The following C19orf12 variants were observed in gnomAD, a reference collection of about 807,000 sequenced individuals.
C19orf12 encodes protein C19orf12.
In C19orf12, 2 loss-of-function variants were observed where a neutral mutation model predicts 3.8. The ratio of observed to expected loss-of-function variants is 0.53; its 90% CI spans 0.22 to 1.66. C19orf12 has a LOEUF of 1.66. Ranked by LOEUF, C19orf12 falls within the 40% of genes most tolerant of loss-of-function variation. The pLI is 0.20. For missense variants in C19orf12, 156 were observed against 188.8 expected (o/e 0.83, Z 1.02); for synonymous variants, 89 against 84.6 (o/e 1.05, Z -0.28).
rs1599558605 is a variant in C19orf12, at chr19:29,715,112, G to A, written c.-11+13C>T. On this transcript the variant is annotated intron_variant, in intron 1 of 2. Coordinates refer to ENST00000323670, the MANE Select transcript of C19orf12 (RefSeq NM_031448.6). Reference sequence around the variant, plus strand: ...TGGGAGGCGCCCCGCCCCGGCTCCGGGCGCTCCTTTACCTGGGGGAGCGGA... The same window carrying A: ...TGGGAGGCGCCCCGCCCCGGCTCCGAGCGCTCCTTTACCTGGGGGAGCGGA... 5 of 608,594 alleles carry A rather than the reference G, an allele frequency of 8.2e-6. No homozygotes were observed. The highest frequency in any genetic ancestry group is 1.4e-5 in the Non-Finnish European group (5 of 345,528). 37.7% of individuals were successfully genotyped at this position (608,594 alleles called of 1,614,324 possible). A position where few individuals can be genotyped will look rare whatever the true frequency, so the allele number is the denominator to read the frequency against.
chr19:29,715,576 C>G, upstream of C19orf12: 1 of 210,776 alleles, frequency 4.7e-6, no homozygotes, highest in South Asian at 4.3e-5. Flanking sequence ...CCTCCAGGAC[C>G]GCGGGGACCT....
chr19:29,701,476 A>T lies in C19orf12; in HGVS notation c.*1236T>A. 2.2e-6 allele frequency: 1 copy of T among 454,190 alleles called. No homozygotes were observed. Among genetic ancestry groups the T allele is most frequent in the South Asian group, 1.6e-5 (1 of 64,482 alleles). 28.1% of individuals were successfully genotyped at this position (454,190 alleles called of 1,614,324 possible). Reference sequence around the variant, plus strand: ...TTTAGGGAATAATGGCAAGAAAAAAAGGTCTGTACGTGTTCAGTACCAATG... The same window carrying T: ...TTTAGGGAATAATGGCAAGAAAAAATGGTCTGTACGTGTTCAGTACCAATG... On this transcript the variant is annotated 3_prime_UTR_variant, in exon 3 of 3. Transcript: ENST00000323670.
chr19:29,713,634 A>C (rs1972798900), intron 1 of C19orf12, among the ~76,000 whole-genome samples: 1 of 152,188 alleles, frequency 6.6e-6, no homozygotes, highest in Non-Finnish European at 1.5e-5. Flanking sequence ...CCACCAGCAA[A>C]CAGTTTTGGA....
At chr19:29,705,492 T>C (rs1208773374) in intron 2 of C19orf12, 1 of 258,156 alleles carries the variant, frequency 3.9e-6, no homozygotes. Flanking sequence ...AATGTATTCG[T>C]TGGTGTTGGT....
chr19:29,712,931 C>T (rs576182459), intron 1 of C19orf12, among the ~76,000 whole-genome samples: 1 of 152,288 alleles, frequency 6.6e-6, no homozygotes, highest in Middle Eastern at 3.4e-3. Context: ...TGAGGGCAGG[C>T]AGAGGAAGTC....
intron 2 of C19orf12, chr19:29,705,450 A>AC (rs1458951312): frequency 3.2e-6 from 1 of 313,028 alleles, no homozygotes; most frequent in African/African-American, 2.2e-5. Context: ...AACTGGTGAA[A>AC]CCCAAATCAA....
chr19:29,701,880 G>A lies in C19orf12; in HGVS notation c.*832C>T, dbSNP rs537825941. The A allele has an allele frequency of 4.4e-6, 2 of 454,146 alleles. No homozygotes were observed. The highest frequency in any genetic ancestry group is 4.0e-5 in the African/African-American group (2 of 50,142). 28.1% of individuals were successfully genotyped at this position (454,146 alleles called of 1,614,324 possible). The stretch of plus-strand genomic sequence containing the variant: ...CACATTTAGTGGACTGCAATATGCA[G>A]TAAACATGACTTAGATGCACTGGGA... On this transcript the variant is annotated 3_prime_UTR_variant, in exon 3 of 3. Transcript: ENST00000323670.
chr19:29,715,066 C>G, intron 1 of C19orf12, 59 bp downstream of exon 1: 1 of 645,506 alleles, frequency 1.5e-6, no homozygotes, highest in Admixed American at 2.5e-5. Flanking sequence ...GGGGTGCCCC[C>G]TCCTCTCGCG....
chr19:29,715,484 A>C, upstream of C19orf12: 1 of 365,712 alleles, frequency 2.7e-6, no homozygotes, highest in Non-Finnish European at 5.6e-6. Flanking sequence ...AGTCCTGGGA[A>C]CCGCAAGGCC....
Position 29,702,484 on chromosome 19 carries a change from T to C in C19orf12, c.*228A>G. 8.3e-6 allele frequency: 6 copies of C among 718,604 alleles called. No homozygotes were observed. The highest frequency in any genetic ancestry group is 6.0e-5 in the South Asian group (4 of 67,138). 44.5% of individuals were successfully genotyped at this position (718,604 alleles called of 1,614,324 possible). Reference sequence around the variant, plus strand: ...TTCACTGGGGGGCCAGTCAGAGGGCTGTCATGGCAGGCCAGTGCACATGCC... The same window carrying C: ...TTCACTGGGGGGCCAGTCAGAGGGCCGTCATGGCAGGCCAGTGCACATGCC... On this transcript the variant is annotated 3_prime_UTR_variant, in exon 3 of 3. Coordinates refer to ENST00000323670, the MANE Select transcript of C19orf12 (RefSeq NM_031448.6).
rs1010170543 is a variant in C19orf12, at chr19:29,700,763, A to G, written c.*1949T>C. On this transcript the variant is annotated 3_prime_UTR_variant, in exon 3 of 3. Transcript: ENST00000323670. ...AAGGCTCGGCCCTTCCTTAATCACC[A>G]TGGGTTATAATTCACCCTGACGTCC... is the stretch of plus-strand genomic sequence containing the variant. The G allele has an allele frequency of 2.0e-5, 9 of 453,982 alleles. No individual in the cohort carries two copies. Among genetic ancestry groups the G allele is most frequent in the African/African-American group, 1.2e-4 (6 of 50,002 alleles). The allele number at this position is 453,982 out of a possible 1,614,324, so 28.1% of individuals were successfully genotyped here.
At chr19:29,709,791 A>G (rs977418287) in intron 1 of C19orf12, among the ~76,000 whole-genome samples, 1 of 151,786 alleles carries the variant, frequency 6.6e-6, no homozygotes, top group Non-Finnish European at 1.5e-5. Context: ...TAGCCTCTCA[A>G]AGTGTTAGGA....
chr19:29,713,590 C>T (rs1453186069), intron 1 of C19orf12, among the ~76,000 whole-genome samples: 1 of 152,194 alleles, frequency 6.6e-6, no homozygotes, highest in Admixed American at 6.5e-5. Flanking sequence ...CCTCCCACCT[C>T]TCCATACCCC....
At chr19:29,705,806 C>T (rs572250276) in intron 2 of C19orf12, among the ~76,000 whole-genome samples, 2 of 152,258 alleles carry the variant, frequency 1.3e-5, no homozygotes, top group African/African-American at 2.4e-5. Flanking sequence ...AGGCATGCGC[C>T]ACTGCACCCA....
rs1972104769 is a variant in C19orf12 at position 29,701,874 on chromosome 19, T to C, written c.*838A>G. On this transcript the variant is annotated 3_prime_UTR_variant, in exon 3 of 3. Coordinates refer to ENST00000323670, the MANE Select transcript of C19orf12 (RefSeq NM_031448.6). ...CTATTGCACATTTAGTGGACTGCAATATGCAGTAAACATGACTTAGATGCA... is the reference window on the plus strand; with the variant it reads ...CTATTGCACATTTAGTGGACTGCAACATGCAGTAAACATGACTTAGATGCA... The C allele has an allele frequency of 2.2e-6, 1 of 454,038 alleles. No individual in the cohort carries two copies. Among genetic ancestry groups the C allele is most frequent in the Non-Finnish European group, 4.4e-6 (1 of 226,808 alleles). 28.1% of individuals were successfully genotyped at this position (454,038 alleles called of 1,614,324 possible).
rs576925899 is a variant in C19orf12 at position 29,703,950 on chromosome 19, C to A, written c.161-973G>T. 9.7e-3 allele frequency among the ~76,000 whole-genome samples: 1,469 copies of A among 151,322 alleles called. 24 individuals are homozygous for A. The highest frequency in any genetic ancestry group is 0.034 in the African/African-American group (1,405 of 41,294). On this transcript the variant is annotated intron_variant, in intron 2 of 2. Transcript: ENST00000323670. ...GGTTGCAGTGAGCCGAGATCATACCCTTGCACTCCAGCCTGGGTGACAGAG... is the reference window on the plus strand; with the variant it reads ...GGTTGCAGTGAGCCGAGATCATACCATTGCACTCCAGCCTGGGTGACAGAG...
At position 29,700,041 on chromosome 19, in the gene C19orf12, T is replaced by G. The variant is rs981370297; in HGVS notation, c.*2671A>C. On this transcript the variant is annotated 3_prime_UTR_variant, in exon 3 of 3. Coordinates refer to ENST00000323670, the MANE Select transcript of C19orf12 (RefSeq NM_031448.6). ...TCCAGTGTCTTCACTCAGCAAGGCCTGCTCCATCGGACACAAAACTGATCA... is the reference window on the plus strand; with the variant it reads ...TCCAGTGTCTTCACTCAGCAAGGCCGGCTCCATCGGACACAAAACTGATCA... The G allele has an allele frequency of 4.0e-5, 18 of 453,940 alleles. No homozygotes were observed. Among genetic ancestry groups the G allele is most frequent in the Non-Finnish European group, 6.2e-5 (14 of 226,782 alleles). 28.1% of individuals were successfully genotyped at this position (453,940 alleles called of 1,614,324 possible). A position where few individuals can be genotyped will look rare whatever the true frequency, so the allele number is the denominator to read the frequency against.
At position 29,700,853 on chromosome 19, in the gene C19orf12, C is replaced by T. The variant is rs1420653459; in HGVS notation, c.*1859G>A. On this transcript the variant is annotated 3_prime_UTR_variant, in exon 3 of 3. Transcript: ENST00000323670. The stretch of plus-strand genomic sequence containing the variant: ...AAGCAGGGCCTCAGCAGAAGTGCCT[C>T]CCTCCGAGCCTCCAGGGCCTGAGAG... The T allele has an allele frequency of 4.4e-6, 2 of 453,988 alleles. No homozygotes were observed. The highest frequency in any genetic ancestry group is 4.0e-5 in the African/African-American group (2 of 49,994). 28.1% of individuals were successfully genotyped at this position (453,988 alleles called of 1,614,324 possible).
In C19orf12 at chr19:29,715,197, G is replaced by A. The variant is rs776588908; in HGVS notation, c.-83C>T. On this transcript the variant is annotated 5_prime_UTR_variant, in exon 1 of 3. Transcript: ENST00000323670. ...TGCAGCCCGGGCCTGGCAGGCCCCG[G>A]GCTCCCCGCCCAGCTCCCCAGCCCC... 4.2e-6 allele frequency: 2 copies of A among 479,124 alleles called. No individual in the cohort carries two copies. The highest frequency in any genetic ancestry group is 3.9e-5 in the South Asian group (2 of 50,764). 29.7% of individuals were successfully genotyped at this position (479,124 alleles called of 1,614,324 possible).
Sources: gnomAD v4.1 joint callset for allele counts (sites outside exome capture counted in the v4.1 genomes callset) on GRCh38, gnomAD v4.1.1 for gene constraint, MANE v1.5 for transcripts, NCBI Gene and HGNC (gene_info 2026-07-23, HGNC 2026-07-21) for gene names.